Variants in ATL3 observed in about 807,000 individuals in gnomAD.
The protein encoded by ATL3 is atlastin-3.
In ATL3, 49 loss-of-function variants were observed where a neutral mutation model predicts 69.5. The observed-to-expected ratio is 0.71, with a 90% confidence interval of 0.56 to 0.89. The LOEUF (loss-of-function observed/expected upper bound fraction) is 0.89, where lower values mean the gene tolerates loss of function less well. Among genes scored for constraint, ATL3 ranks in the 40% least tolerant of loss-of-function variants. The pLI, the probability that ATL3 is intolerant of heterozygous loss-of-function variation, is 0.00. For synonymous variants in ATL3, 214 were observed against 224.1 expected (o/e 0.95, Z 0.40); for missense variants, 606 against 645.7 (o/e 0.94, Z 0.67).
Position 63,624,202 on chromosome 11 carries a change from T to TA in ATL3, c.*5116dup, listed in dbSNP as rs1555049214. ...CCATTGCACTTTTTAAAAACTATAT[T>TA]AAGTTTCAAAGCCACTCAAAGGCAA... On this transcript the variant is annotated 3_prime_UTR_variant, in exon 13 of 13. Transcript: ENST00000398868. The TA allele has an allele frequency of 5.9e-5, 9 of 152,186 alleles. No individual in the cohort carries two copies. The highest frequency in any genetic ancestry group is 2.2e-4 in the African/African-American group (9 of 41,448). The allele number at this position is 152,186 out of a possible 1,614,324, so 9.4% of individuals were successfully genotyped here. A position where few individuals can be genotyped will look rare whatever the true frequency, so the allele number is the denominator to read the frequency against.
At position 63,659,717 on chromosome 11, in the gene ATL3, T is replaced by C. The variant is rs964467958; in HGVS notation, c.47-465A>G. Among the ~76,000 whole-genome samples the C allele has an allele frequency of 2.6e-5, 4 of 152,064 alleles. No individual in the cohort carries two copies. The South Asian group carries it at 8.3e-4, about 31-fold the overall frequency. On this transcript the variant is annotated intron_variant, in intron 1 of 12. Coordinates refer to ENST00000398868, the MANE Select transcript of ATL3 (RefSeq NM_015459.5). ...TGGGAAGCCGAGGTGGGTGGATCAC[T>C]TGAGGTCAGGAGTTCAAGACCAGCC...
At chr11:63,638,822 G>A (rs1338137199) in intron 8 of ATL3, among the ~76,000 whole-genome samples, 1 of 151,688 alleles carries the variant, frequency 6.6e-6, no homozygotes, top group Non-Finnish European at 1.5e-5. Context: ...TGTTTGGCAG[G>A]CATCTACCTC....
At chr11:63,671,871 AT>A, upstream of ATL3, 1 of 478,080 alleles carries the variant, frequency 2.1e-6, no homozygotes, top group Non-Finnish European at 3.1e-6. Flanking sequence ...CCGAGGCTTT[AT>A]CCTGGAACCA....
At chr11:63,661,103 G>T (rs764815634) in intron 1 of ATL3, among the ~76,000 whole-genome samples, 1 of 151,610 alleles carries the variant, frequency 6.6e-6, no homozygotes, top group African/African-American at 2.4e-5. Flanking sequence ...CACGCCTGTG[G>T]TCCCAGCTAC....
At position 63,629,386 on chromosome 11, in the gene ATL3, T is replaced by C. The variant is rs1939230227; in HGVS notation, c.1559A>G (p.Asn520Ser). 6.2e-7 allele frequency: 1 copy of C among 1,614,186 alleles called. No individual in the cohort carries two copies. Among genetic ancestry groups the C allele is most frequent in the South Asian group, 1.1e-5 (1 of 91,086 alleles). The change falls in exon 13 of 13, where the codon AAT becomes AGT. Residue 520 changes from asparagine to serine, a missense_variant. Coordinates refer to ENST00000398868, the MANE Select transcript of ATL3 (RefSeq NM_015459.5). Reference protein sequence around the residue: ...VLEQASSHIGNSTQATVRDAV... With the variant: ...VLEQASSHIGSSTQATVRDAV... ...ATCCCTCACAGTGGCCTGAGTGGAA[T>C]TACCGATATGAGAAGAAGCCTGCAA...
At chr11:63,669,707 CGAGGA>C (rs1321248503) in intron 1 of ATL3, among the ~76,000 whole-genome samples, 4 of 151,678 alleles carry the variant, frequency 2.6e-5, no homozygotes, top group Middle Eastern at 3.4e-3. Flanking sequence ...CTTGGGAGGC[CGAGGA>C]GAGGAGGGTG....
At chr11:63,647,000 C>T (rs982117603) in intron 5 of ATL3, among the ~76,000 whole-genome samples, 1 of 152,130 alleles carries the variant, frequency 6.6e-6, no homozygotes, top group East Asian at 1.9e-4. Flanking sequence ...TTCAAATACA[C>T]GGGGCACACC....
rs1412565382 is a variant in ATL3, at chr11:63,626,746, G to A, written c.*2573C>T. On this transcript the variant is annotated 3_prime_UTR_variant, in exon 13 of 13. Transcript: ENST00000398868. ...TCTGAACCACAAGTAAAAGGTGAGA[G>A]AAGTAAAAGATATTATTTTTAACCT... 1.3e-5 allele frequency: 2 copies of A among 152,166 alleles called. No individual in the cohort carries two copies. The highest frequency in any genetic ancestry group is 2.9e-5 in the Non-Finnish European group (2 of 68,026). The allele number at this position is 152,166 out of a possible 1,614,324, so 9.4% of individuals were successfully genotyped here. A position where few individuals can be genotyped will look rare whatever the true frequency, so the allele number is the denominator to read the frequency against.
chr11:63,647,618 C>T (rs886445407), intron 5 of ATL3, among the ~76,000 whole-genome samples: 5 of 152,164 alleles, frequency 3.3e-5, no homozygotes, highest in Admixed American at 1.3e-4. Flanking sequence ...CTGTTTTGTG[C>T]ACTACTGGAT....
At chr11:63,663,355 T>C (rs1048267076) in intron 1 of ATL3, among the ~76,000 whole-genome samples, 1 of 152,136 alleles carries the variant, frequency 6.6e-6, no homozygotes, top group African/African-American at 2.4e-5. Flanking sequence ...TCCTGGGCTC[T>C]AGTGATCCTC....
At chr11:63,653,285 G>A (rs923814572) in intron 3 of ATL3, among the ~76,000 whole-genome samples, 1 of 152,142 alleles carries the variant, frequency 6.6e-6, no homozygotes, top group African/African-American at 2.4e-5. Flanking sequence ...CGGCTAACAT[G>A]GCAAAATCCC....
At position 63,671,348 on chromosome 11, in the gene ATL3, T is replaced by A; in HGVS notation, c.-13A>T. On this transcript the variant is annotated 5_prime_UTR_variant, in exon 1 of 13. It adds an upstream start codon to the 5' untranslated region. Coordinates refer to ENST00000398868, the MANE Select transcript of ATL3 (RefSeq NM_015459.5). ...GAGGGGACAACATGGAGCCTCCGCC[T>A]TCAAAGCAGAAGCAGCAGGGGTGCA... 6.3e-7 allele frequency: 1 copy of A among 1,578,990 alleles called. No homozygotes were observed. The highest frequency in any genetic ancestry group is 1.8e-5 in the Admixed American group (1 of 56,044).
chr11:63,669,031 C>A (rs1940684727), intron 1 of ATL3, among the ~76,000 whole-genome samples: 1 of 147,744 alleles, frequency 6.8e-6, no homozygotes. Context: ...GGGCGTCTCA[C>A]CATGTTGGCC....
intron 5 of ATL3, among the ~76,000 whole-genome samples, chr11:63,649,571 G>T (rs1940003929): frequency 1.3e-5 from 2 of 149,564 alleles, no homozygotes; most frequent in Non-Finnish European, 1.5e-5. Context: ...TCACTCTGTT[G>T]CCCAGACTGG....
At chr11:63,671,207 CG>C (rs1590751426) in intron 1 of ATL3, 82 bp downstream of exon 1, 1 of 1,462,584 alleles carries the variant, frequency 6.8e-7, no homozygotes, top group East Asian at 2.9e-5. Flanking sequence ...GGCGGCGGCG[CG>C]GGCGGGGGTT....
intron 1 of ATL3, among the ~76,000 whole-genome samples, chr11:63,662,745 T>G (rs980465007): frequency 1.3e-5 from 2 of 152,154 alleles, no homozygotes; most frequent in African/African-American, 4.8e-5. Context: ...TCCCAAAGTG[T>G]TGGGATTACA....
At chr11:63,638,705 T>C (rs963010332) in intron 8 of ATL3, among the ~76,000 whole-genome samples, 4 of 151,012 alleles carry the variant, frequency 2.6e-5, no homozygotes, top group African/African-American at 9.7e-5. Context: ...GACAAGACTT[T>C]GTCTCAAAAA....
At chr11:63,630,829 G>C (rs1271906953) in intron 12 of ATL3, among the ~76,000 whole-genome samples, 6 of 150,348 alleles carry the variant, frequency 4.0e-5, no homozygotes, top group Admixed American at 2.7e-4. Flanking sequence ...CGGGGCGGGG[G>C]CCTTTTTAGA....
At chr11:63,663,447 T>G (rs1460833842) in intron 1 of ATL3, among the ~76,000 whole-genome samples, 2 of 152,230 alleles carry the variant, frequency 1.3e-5, no homozygotes, top group Non-Finnish European at 2.9e-5. Flanking sequence ...TCTTCCTACT[T>G]TTTAAGTTTT....
Sources: allele counts gnomAD v4.1 joint callset (sites outside exome capture counted in the v4.1 genomes callset), GRCh38; gene constraint gnomAD v4.1.1; transcripts MANE v1.5; gene names NCBI Gene and HGNC (gene_info 2026-07-23, HGNC 2026-07-21).